Variants in GRIN2A observed in about 807,000 individuals in gnomAD.
GRIN2A encodes glutamate ionotropic receptor NMDA type subunit 2A.
Under a neutral mutation model 113.4 loss-of-function variants are expected in GRIN2A, and 22 were observed. That is an observed-to-expected ratio of 0.19 (90% CI 0.14 to 0.28). The LOEUF (loss-of-function observed/expected upper bound fraction) is 0.28, where lower values mean the gene tolerates loss of function less well. Among genes scored for constraint, GRIN2A ranks in the 10% least tolerant of loss-of-function variants. The pLI is 1.00. For synonymous variants in GRIN2A, 827 were observed against 738.4 expected (o/e 1.12, Z -1.94); for missense variants, 1,502 against 1,887.0 (o/e 0.80, Z 3.78).
At chr16:10,129,473 T>C (rs2049018427) in intron 2 of GRIN2A, among the ~76,000 whole-genome samples, 1 of 152,154 alleles carries the variant, frequency 6.6e-6, no homozygotes, top group African/African-American at 2.4e-5. Flanking sequence ...TGGAGGCTAC[T>C]TGAACTTGGA....
chr16:10,039,808 G>GGGAGAGAGAGAGAGAGAGAGAGA lies in GRIN2A; in HGVS notation c.415-101258_415-101257insTCTCTCTCTCTCTCTCTCTCTCC, dbSNP rs1555469298. ...AGGGGGAGGGGGAGGGGGAGGGGGG[G>GGGAGAGAGAGAGAGAGAGAGAGA]GAGAAAGAGAGAGAGAGAGAGAGAG... is the stretch of plus-strand genomic sequence containing the variant. On this transcript the variant is annotated intron_variant, in intron 2 of 12. Transcript: ENST00000330684. 2.7e-4 allele frequency among the ~76,000 whole-genome samples: 17 copies of GGGAGAGAGAGAGAGAGAGAGAGA among 63,816 alleles called. 1 individual carries two copies. Among genetic ancestry groups the GGGAGAGAGAGAGAGAGAGAGAGA allele is most frequent in the South Asian group, 1.7e-3 (2 of 1,170 alleles). The allele number at this position is 63,816 out of a possible 152,430, so 41.9% of individuals were successfully genotyped here. A position where few individuals can be genotyped will look rare whatever the true frequency, so the allele number is the denominator to read the frequency against.
intron 2 of GRIN2A, among the ~76,000 whole-genome samples, chr16:10,057,875 T>C (rs1461276420): frequency 6.6e-6 from 1 of 152,196 alleles, no homozygotes; most frequent in Admixed American, 6.5e-5. Flanking sequence ...TTTTAAGAGA[T>C]CTTGACTTTT....
intron 10 of GRIN2A, among the ~76,000 whole-genome samples, chr16:9,814,736 T>G (rs1021565717): frequency 2.0e-5 from 3 of 152,110 alleles, no homozygotes; most frequent in African/African-American, 7.2e-5. Context: ...ATGTACCTTC[T>G]TGGCCGGGTG....
intron 2 of GRIN2A, among the ~76,000 whole-genome samples, chr16:10,130,218 G>A (rs1033756469): frequency 5.3e-5 from 8 of 152,164 alleles, no homozygotes; most frequent in African/African-American, 9.7e-5. Context: ...GGGACTCCAC[G>A]GCAGGGTTCA....
chr16:9,799,865 C>T (rs1903250427), intron 10 of GRIN2A, among the ~76,000 whole-genome samples: 1 of 152,044 alleles, frequency 6.6e-6, no homozygotes, highest in Admixed American at 6.6e-5. Flanking sequence ...AATCACCATG[C>T]AGTTCAAAAT....
At chr16:9,831,706 C>T (rs151225266) in intron 8 of GRIN2A, among the ~76,000 whole-genome samples, 58 of 151,648 alleles carry the variant, frequency 3.8e-4, no homozygotes, top group East Asian at 1.8e-3. Flanking sequence ...AGTAGGGATG[C>T]GGTTTTGCCA....
chr16:10,173,933 T>A (rs11642956), intron 2 of GRIN2A, among the ~76,000 whole-genome samples: 44,961 of 152,132 alleles, frequency 0.3, 6,960 homozygotes, highest in Non-Finnish European at 0.32. Flanking sequence ...CATAGAATTT[T>A]TAAAGAAACC....
intron 10 of GRIN2A, among the ~76,000 whole-genome samples, chr16:9,810,929 C>T (rs1250932689): frequency 6.6e-6 from 1 of 152,174 alleles, no homozygotes; most frequent in Non-Finnish European, 1.5e-5. Flanking sequence ...TGGCCCCGGG[C>T]ACTTTCCATG....
intron 2 of GRIN2A, among the ~76,000 whole-genome samples, chr16:10,093,129 C>T (rs953272532): frequency 2.6e-5 from 4 of 152,286 alleles, no homozygotes; most frequent in East Asian, 1.9e-4. Context: ...ATGAGCCCCA[C>T]GCCCGGCCAA....
chr16:9,954,041 G>A (rs945542420), intron 2 of GRIN2A, among the ~76,000 whole-genome samples: 3 of 152,148 alleles, frequency 2.0e-5, no homozygotes, highest in African/African-American at 7.2e-5. Flanking sequence ...TCCTCCTCCT[G>A]CTTTCTTTTT....
At chr16:9,978,882 G>A (rs1040577069) in intron 2 of GRIN2A, among the ~76,000 whole-genome samples, 8 of 152,228 alleles carry the variant, frequency 5.3e-5, no homozygotes, top group Non-Finnish European at 1.0e-4. Context: ...GACAGAGGGA[G>A]AGAAGCAGAT....
intron 2 of GRIN2A, among the ~76,000 whole-genome samples, chr16:10,176,224 T>G (rs994881234): frequency 6.6e-6 from 1 of 151,956 alleles, no homozygotes; most frequent in Admixed American, 6.6e-5. Context: ...AGGCTGGTCT[T>G]GAACTCCTGA....
At chr16:9,873,210 G>C (rs1410807402) in intron 4 of GRIN2A, among the ~76,000 whole-genome samples, 3 of 152,158 alleles carry the variant, frequency 2.0e-5, no homozygotes, top group Non-Finnish European at 4.4e-5. Flanking sequence ...GGAGGCTGAG[G>C]GAAGAGGCTG....
At chr16:10,050,555 C>T (rs1322103265) in intron 2 of GRIN2A, among the ~76,000 whole-genome samples, 1 of 151,752 alleles carries the variant, frequency 6.6e-6, no homozygotes, top group African/African-American at 2.4e-5. Context: ...TCTATCACTA[C>T]CTCCCATCAA....
chr16:10,100,238 C>A (rs1307671585), intron 2 of GRIN2A, among the ~76,000 whole-genome samples: 1 of 152,148 alleles, frequency 6.6e-6, no homozygotes, highest in Non-Finnish European at 1.5e-5. Context: ...CAACGGGAAG[C>A]CATGAAACCG....
At chr16:9,883,676 G>T (rs867324846) in intron 4 of GRIN2A, among the ~76,000 whole-genome samples, 4 of 152,194 alleles carry the variant, frequency 2.6e-5, no homozygotes, top group Admixed American at 6.5e-5. Flanking sequence ...AAGATGATGA[G>T]TTTGACTTTG....
chr16:10,007,209 C>A (rs572182729), intron 2 of GRIN2A, among the ~76,000 whole-genome samples: 9 of 152,228 alleles, frequency 5.9e-5, no homozygotes, highest in African/African-American at 1.9e-4. Flanking sequence ...AACCTCCATA[C>A]TGTTATCCAT....
At chr16:10,022,714 T>A (rs2046748737) in intron 2 of GRIN2A, among the ~76,000 whole-genome samples, 1 of 152,198 alleles carries the variant, frequency 6.6e-6, no homozygotes, top group Non-Finnish European at 1.5e-5. Context: ...AATGAGTGAA[T>A]GAATACCTTG....
chr16:10,092,573 T>C (rs2048201480), intron 2 of GRIN2A, among the ~76,000 whole-genome samples: 1 of 152,264 alleles, frequency 6.6e-6, no homozygotes, highest in Non-Finnish European at 1.5e-5. Context: ...ATAGACTCCT[T>C]ACTATGTGAC....
Sources: gnomAD v4.1 joint callset for allele counts (sites outside exome capture counted in the v4.1 genomes callset) on GRCh38, gnomAD v4.1.1 for gene constraint, MANE v1.5 for transcripts, NCBI Gene and HGNC (gene_info 2026-07-23, HGNC 2026-07-21) for gene names.